The following EXOC6B variants were observed in gnomAD, a reference collection of about 807,000 sequenced individuals.
EXOC6B encodes SEC15 homolog B.
Under a neutral mutation model 113.5 loss-of-function variants are expected in EXOC6B, and 54 were observed. The ratio of observed to expected loss-of-function variants is 0.48; its 90% confidence interval spans 0.38 to 0.60. The LOEUF is 0.60. EXOC6B is among the 20% of genes least tolerant of loss of function. The pLI is 0.00. For missense variants in EXOC6B, 797 were observed against 977.5 expected (o/e 0.82, Z 2.46); for synonymous variants, 357 against 339.0 (o/e 1.05, Z -0.58).
At chr2:72,743,136 C>T (rs530100087) in intron 1 of EXOC6B, among the ~76,000 whole-genome samples, 1 of 152,208 alleles carries the variant, frequency 6.6e-6, no homozygotes, top group African/African-American at 2.4e-5. Flanking sequence ...ACAACTCAAC[C>T]TCCGAAACAT....
intron 20 of EXOC6B, among the ~76,000 whole-genome samples, chr2:72,312,648 C>T (rs1042467851): frequency 6.6e-6 from 1 of 151,234 alleles, no homozygotes; most frequent in Admixed American, 6.6e-5. Context: ...CCCAGCTACT[C>T]GGAGGCTGAG....
At chr2:72,360,067 C>A (rs1369487745) in intron 19 of EXOC6B, among the ~76,000 whole-genome samples, 1 of 151,990 alleles carries the variant, frequency 6.6e-6, no homozygotes, top group African/African-American at 2.4e-5. Context: ...AACCTCTTTT[C>A]TTTATAAATT....
chr2:72,432,562 T>C (rs915236724), intron 18 of EXOC6B, among the ~76,000 whole-genome samples: 1 of 152,184 alleles, frequency 6.6e-6, no homozygotes, highest in Non-Finnish European at 1.5e-5. Flanking sequence ...AGCATTCCTA[T>C]TTCTCCACAT....
At chr2:72,533,589 G>C (rs886267929) in intron 8 of EXOC6B, among the ~76,000 whole-genome samples, 1 of 152,054 alleles carries the variant, frequency 6.6e-6, no homozygotes, top group African/African-American at 2.4e-5. Context: ...AAACCAATGT[G>C]GTTTATATGA....
chr2:72,187,031 T>A (rs1243480374), intron 20 of EXOC6B, among the ~76,000 whole-genome samples: 1 of 152,074 alleles, frequency 6.6e-6, no homozygotes, highest in Non-Finnish European at 1.5e-5. Context: ...TGTGAGTAAG[T>A]GTGGAGTCCG....
chr2:72,640,922 C>T lies in EXOC6B; in HGVS notation c.670-65254G>A, dbSNP rs2420566. Among the ~76,000 whole-genome samples, 686 of 152,262 alleles carry T rather than the reference C, an allele frequency of 4.5e-3. 10 individuals are homozygous for T. The highest frequency in any genetic ancestry group is 0.015 in the African/African-American group (642 of 41,550). ...ATTTCAACTCAAGGAGAAGATCTAA[C>T]TCTCCTAAATATATATGCACCCAAC... On this transcript the variant is annotated intron_variant, in intron 6 of 21. Coordinates refer to ENST00000272427, the MANE Select transcript of EXOC6B (RefSeq NM_015189.3).
intron 18 of EXOC6B, among the ~76,000 whole-genome samples, chr2:72,457,129 AC>A (rs1697287036): frequency 6.6e-6 from 1 of 152,060 alleles, no homozygotes. Flanking sequence ...CAGAAAAAAG[AC>A]AGAAAGGTAG....
chr2:72,753,893 A>T (rs1242519613), intron 1 of EXOC6B, among the ~76,000 whole-genome samples: 1 of 152,088 alleles, frequency 6.6e-6, no homozygotes. Context: ...TCCTTAATAC[A>T]ACTACTATAA....
At chr2:72,593,317 C>A (rs565251238) in intron 6 of EXOC6B, among the ~76,000 whole-genome samples, 2 of 152,148 alleles carry the variant, frequency 1.3e-5, no homozygotes, top group Admixed American at 1.3e-4. Flanking sequence ...ATCAGAACCC[C>A]CAATTTGTAG....
intron 6 of EXOC6B, among the ~76,000 whole-genome samples, chr2:72,642,201 C>T (rs1023320571): frequency 6.6e-6 from 1 of 151,296 alleles, no homozygotes; most frequent in Admixed American, 6.6e-5. Context: ...AGGTAATTTA[C>T]AGATTCAATG....
chr2:72,822,522 G>A (rs1220274974), intron 1 of EXOC6B, among the ~76,000 whole-genome samples: 1 of 152,126 alleles, frequency 6.6e-6, no homozygotes, highest in African/African-American at 2.4e-5. Flanking sequence ...TCAAGCCACT[G>A]TGACTCCTCA....
chr2:72,179,216 T>TA lies in EXOC6B; in HGVS notation c.*118dup, dbSNP rs534091847. ...TATGTGAATACTGCACAGGGGTTAA[T>TA]AAAAAAATACATATGCTCTCTTTGA... On this transcript the variant is annotated 3_prime_UTR_variant, in exon 22 of 22. Coordinates refer to ENST00000272427, the MANE Select transcript of EXOC6B (RefSeq NM_015189.3). 2.0e-4 allele frequency: 247 copies of TA among 1,221,082 alleles called. 4 individuals are homozygous for TA. In the South Asian group the frequency reaches 3.7e-3, roughly 18 times the overall value. The allele number at this position is 1,221,082 out of a possible 1,614,324, so 75.6% of individuals were successfully genotyped here.
chr2:72,543,150 G>A lies in EXOC6B; in HGVS notation c.915+16303C>T, dbSNP rs556883390. Among the ~76,000 whole-genome samples, 11 of 152,216 alleles carry A rather than the reference G, an allele frequency of 7.2e-5. No individual in the cohort carries two copies. The East Asian group carries it at 1.5e-3, about 21-fold the overall frequency. On this transcript the variant is annotated intron_variant, in intron 8 of 21. Transcript: ENST00000272427. ...GCACATGGAGTATGGTGTATCTGGC[G>A]CATAAACTGTGAGTAAGCAGGAGGA...
At chr2:72,250,780 A>G (rs983022920) in intron 20 of EXOC6B, among the ~76,000 whole-genome samples, 2 of 151,984 alleles carry the variant, frequency 1.3e-5, no homozygotes, top group Non-Finnish European at 1.5e-5. Context: ...CTCAATTTCA[A>G]TTTGTTTCCT....
At chr2:72,391,626 G>A (rs190767200) in intron 18 of EXOC6B, among the ~76,000 whole-genome samples, 53 of 152,266 alleles carry the variant, frequency 3.5e-4, no homozygotes, top group Admixed American at 1.2e-3. Flanking sequence ...AATTCTTTAA[G>A]TACTGCTTTG....
intron 20 of EXOC6B, among the ~76,000 whole-genome samples, chr2:72,218,175 A>AT (rs1261728149): frequency 6.6e-6 from 1 of 152,196 alleles, no homozygotes; most frequent in Non-Finnish European, 1.5e-5. Flanking sequence ...TTTGTCAACT[A>AT]TACCTCATAA....
intron 6 of EXOC6B, among the ~76,000 whole-genome samples, chr2:72,631,819 T>C (rs1034338145): frequency 2.6e-5 from 4 of 152,032 alleles, no homozygotes; most frequent in Non-Finnish European, 4.4e-5. Flanking sequence ...CATCCAATCA[T>C]AACGCTTAGC....
At position 72,179,061 on chromosome 2, in the gene EXOC6B, C is replaced by T. The variant is rs1267699359; in HGVS notation, c.*274G>A. The T allele has an allele frequency of 2.2e-5, 8 of 366,384 alleles. No individual in the cohort carries two copies. Among genetic ancestry groups the T allele is most frequent in the Middle Eastern group, 1.5e-3 (2 of 1,372 alleles). The allele number at this position is 366,384 out of a possible 1,614,324, so 22.7% of individuals were successfully genotyped here. On this transcript the variant is annotated 3_prime_UTR_variant, in exon 22 of 22. Transcript: ENST00000272427. The stretch of plus-strand genomic sequence containing the variant: ...GCCATGGATGAAAGGTGGTTCATCA[C>T]TGTGGAATTGATGATACCACCATCT...
intron 20 of EXOC6B, among the ~76,000 whole-genome samples, chr2:72,266,998 A>G (rs1391691689): frequency 6.6e-6 from 1 of 152,040 alleles, no homozygotes. Context: ...ATTCCTAAGT[A>G]TTTTATTCTC....
Sources: allele counts gnomAD v4.1 joint callset (sites outside exome capture counted in the v4.1 genomes callset), GRCh38; gene constraint gnomAD v4.1.1; transcripts MANE v1.5; gene names NCBI Gene and HGNC (gene_info 2026-07-23, HGNC 2026-07-21).